The following TSPAN3 variants were observed in gnomAD, a reference collection of about 807,000 sequenced individuals.
The protein encoded by TSPAN3 is tetraspanin-3.
A neutral mutation model predicts 31.1 loss-of-function variants in TSPAN3; 9 were observed. That is an observed-to-expected ratio of 0.29 (90% CI 0.17 to 0.50). TSPAN3 has a LOEUF of 0.50. Ranked by LOEUF, TSPAN3 falls within the 20% of genes least tolerant of loss-of-function variation. TSPAN3 has a pLI of 0.98. For missense variants in TSPAN3, 252 were observed against 313.5 expected (o/e 0.80, Z 1.48); for synonymous variants, 129 against 114.3 (o/e 1.13, Z -0.82).
In TSPAN3 at chr15:77,070,997, G is replaced by A. The variant is rs1007203337; in HGVS notation, c.-43C>T. On this transcript the variant is annotated 5_prime_UTR_variant, in exon 1 of 7. Coordinates refer to ENST00000267970, the MANE Select transcript of TSPAN3 (RefSeq NM_005724.6). The stretch of plus-strand genomic sequence containing the variant: ...AAGGCCCGGCCCGGAGAGCGGGGCT[G>A]CGCTCACCGAGAGAGCGGCAATGGC... 2.2e-6 allele frequency: 3 copies of A among 1,353,820 alleles called. No individual in the cohort carries two copies. Among genetic ancestry groups the A allele is most frequent in the South Asian group, 3.3e-5 (2 of 61,538 alleles). The allele number at this position is 1,353,820 out of a possible 1,614,324, so 83.9% of individuals were successfully genotyped here.
At chr15:77,070,233 T>C (rs933546559) in intron 1 of TSPAN3, among the ~76,000 whole-genome samples, 2 of 152,316 alleles carry the variant, frequency 1.3e-5, no homozygotes, top group South Asian at 4.1e-4. Flanking sequence ...TCTTGTGACA[T>C]CTCCATCATA....
At position 77,044,683 on chromosome 15, in the gene TSPAN3, C is replaced by T. The variant is rs1377718241; in HGVS notation, c.*2152G>A. 1 of 152,322 alleles carries T rather than the reference C, an allele frequency of 6.6e-6. No individual in the cohort carries two copies. Among genetic ancestry groups the T allele is most frequent in the Non-Finnish European group, 1.5e-5 (1 of 68,132 alleles). 9.4% of individuals were successfully genotyped at this position (152,322 alleles called of 1,614,324 possible). A position where few individuals can be genotyped will look rare whatever the true frequency, so the allele number is the denominator to read the frequency against. On this transcript the variant is annotated 3_prime_UTR_variant, in exon 7 of 7. Transcript: ENST00000267970. ...TTATCCTCTTGGGCAAGTTGAAGAA[C>T]AAGGCTACTGCTTGGCATATTTCCC...
intron 6 of TSPAN3, among the ~76,000 whole-genome samples, chr15:77,048,348 A>AG (rs1184636211): frequency 2.6e-5 from 4 of 152,098 alleles, no homozygotes; most frequent in Admixed American, 2.6e-4. Flanking sequence ...TGGTTTGCTA[A>AG]GGGAAAAAAA....
At chr15:77,049,880 C>G (rs2076718614) in intron 6 of TSPAN3, among the ~76,000 whole-genome samples, 1 of 152,206 alleles carries the variant, frequency 6.6e-6, no homozygotes, top group South Asian at 2.1e-4. Context: ...AATTAACTGT[C>G]AGGTTTCCTG....
chr15:77,064,899 C>T (rs928619059), intron 1 of TSPAN3: 1 of 152,212 alleles, frequency 6.6e-6, no homozygotes, highest in African/African-American at 2.4e-5. Flanking sequence ...CATATTACCA[C>T]CTCGAATGTG....
chr15:77,053,301 G>A (rs1192167613), intron 4 of TSPAN3, among the ~76,000 whole-genome samples: 1 of 151,692 alleles, frequency 6.6e-6, no homozygotes, highest in Non-Finnish European at 1.5e-5. Context: ...TTCAAGACCA[G>A]CCTGACCAAC....
Position 77,046,943 on chromosome 15 carries a change from A to T in TSPAN3, c.670-16T>A. 6.4e-7 allele frequency: 1 copy of T among 1,558,516 alleles called. No individual in the cohort carries two copies. The highest frequency in any genetic ancestry group is 8.7e-7 in the Non-Finnish European group (1 of 1,148,544). ...TGCCCAGCAGCTGTTGAAAGAAAAC[A>T]ACAATGGGGAAAAAAGGCTGAAAAC... is the stretch of plus-strand genomic sequence containing the variant. On this transcript the variant is annotated splice_polypyrimidine_tract_variant and intron_variant, in intron 6 of 6. Coordinates refer to ENST00000267970, the MANE Select transcript of TSPAN3 (RefSeq NM_005724.6).
chr15:77,056,297 G>C (rs1486802908), intron 1 of TSPAN3, 42 bp from the exon 2 acceptor site: 4 of 1,480,094 alleles, frequency 2.7e-6, no homozygotes, highest in Non-Finnish European at 3.6e-6. Context: ...AGCACTGCTG[G>C]TAAAAATTTC....
intron 1 of TSPAN3, among the ~76,000 whole-genome samples, chr15:77,065,528 G>C (rs560771208): frequency 6.6e-6 from 1 of 152,078 alleles, no homozygotes; most frequent in Non-Finnish European, 1.5e-5. Flanking sequence ...CCGGGTTCAC[G>C]CCATGCTCCT....
chr15:77,055,898 T>A, intron 2 of TSPAN3, 35 bp from the exon 3 acceptor site: 2 of 1,573,154 alleles, frequency 1.3e-6, no homozygotes, highest in Non-Finnish European at 1.7e-6. Flanking sequence ...TATATACAAA[T>A]GAAAAAATAA....
chr15:77,060,416 G>T (rs917130881), intron 1 of TSPAN3, among the ~76,000 whole-genome samples: 2 of 152,106 alleles, frequency 1.3e-5, no homozygotes, highest in African/African-American at 4.8e-5. Flanking sequence ...AGCAGCTGAA[G>T]ACCTAAAAAC....
At position 77,046,743 on chromosome 15, in the gene TSPAN3, C is replaced by A. The variant is rs1171576530; in HGVS notation, c.*92G>T. On this transcript the variant is annotated 3_prime_UTR_variant, in exon 7 of 7. Coordinates refer to ENST00000267970, the MANE Select transcript of TSPAN3 (RefSeq NM_005724.6). ...CAACACCAGTGTACATGTGCTTTAA[C>A]TAAATGAACTCCAGAGGCCAACAGC... The A allele has an allele frequency of 2.3e-5, 22 of 954,504 alleles. No homozygotes were observed. The Admixed American group carries it at 4.7e-4, about 21-fold the overall frequency. 59.1% of individuals were successfully genotyped at this position (954,504 alleles called of 1,614,324 possible). A position where few individuals can be genotyped will look rare whatever the true frequency, so the allele number is the denominator to read the frequency against.
chr15:77,050,417 AAC>A (rs1273889790), intron 6 of TSPAN3, among the ~76,000 whole-genome samples: 2 of 152,220 alleles, frequency 1.3e-5, no homozygotes, highest in African/African-American at 4.8e-5. Flanking sequence ...TTAAGTATAA[AAC>A]ACATATGGCA....
intron 4 of TSPAN3, among the ~76,000 whole-genome samples, chr15:77,053,451 CAA>C (rs60483848): frequency 6.8e-4 from 34 of 50,324 alleles, no homozygotes; most frequent in East Asian, 5.2e-3. Flanking sequence ...TTCGCCATCT[CAA>C]AAAAAAAAAA....
At chr15:77,059,304 G>C (rs955115053) in intron 1 of TSPAN3, among the ~76,000 whole-genome samples, 3 of 152,098 alleles carry the variant, frequency 2.0e-5, no homozygotes, top group African/African-American at 7.2e-5. Flanking sequence ...GGATGGTCTC[G>C]ATGTCCTGAC....
chr15:77,068,984 T>G (rs946731745), intron 1 of TSPAN3, among the ~76,000 whole-genome samples: 1 of 152,234 alleles, frequency 6.6e-6, no homozygotes, highest in African/African-American at 2.4e-5. Flanking sequence ...TGATTTATAT[T>G]CCTTTGGGTA....
intron 1 of TSPAN3, chr15:77,065,016 G>T (rs530324464): frequency 7.9e-5 from 12 of 152,200 alleles, no homozygotes; most frequent in Non-Finnish European, 1.8e-4. Context: ...AAGCATGACG[G>T]TATAAACCTC....
chr15:77,053,012 T>C (rs2076741883), intron 4 of TSPAN3, 83 bp from the exon 5 acceptor site: 3 of 1,353,914 alleles, frequency 2.2e-6, no homozygotes, highest in Non-Finnish European at 3.0e-6. Context: ...TAAAATAAGC[T>C]ACTCTAGACC....
At position 77,071,005 on chromosome 15, in the gene TSPAN3, C is replaced by A. The variant is rs2076866145; in HGVS notation, c.-51G>T. 5 of 1,320,228 alleles carry A rather than the reference C, an allele frequency of 3.8e-6. No homozygotes were observed. The highest frequency in any genetic ancestry group is 4.9e-6 in the Non-Finnish European group (5 of 1,017,660). The allele number at this position is 1,320,228 out of a possible 1,614,324, so 81.8% of individuals were successfully genotyped here. On this transcript the variant is annotated 5_prime_UTR_variant, in exon 1 of 7. Coordinates refer to ENST00000267970, the MANE Select transcript of TSPAN3 (RefSeq NM_005724.6). The stretch of plus-strand genomic sequence containing the variant: ...GCCCGGAGAGCGGGGCTGCGCTCAC[C>A]GAGAGAGCGGCAATGGCGGCGGCGC...
Sources: gnomAD v4.1 joint callset for allele counts (sites outside exome capture counted in the v4.1 genomes callset) on GRCh38, gnomAD v4.1.1 for gene constraint, MANE v1.5 for transcripts, NCBI Gene and HGNC (gene_info 2026-07-23, HGNC 2026-07-21) for gene names.